Variants in TMEM183A observed in about 807,000 individuals in gnomAD.
The protein encoded by TMEM183A is transmembrane protein 183A.
TMEM183A carries 21 observed loss-of-function variants against 46.7 expected under a neutral mutation model. The observed-to-expected ratio is 0.45, with a 90% CI of 0.32 to 0.65. TMEM183A has a LOEUF of 0.65. TMEM183A is among the 30% of genes least tolerant of loss of function. The pLI is 0.04. For synonymous variants in TMEM183A, 165 were observed against 180.2 expected (o/e 0.92, Z 0.68); for missense variants, 331 against 481.9 (o/e 0.69, Z 2.93).
At position 203,013,576 on chromosome 1, in the gene TMEM183A, A is replaced by G. The variant is rs1487621284; in HGVS notation, c.368-1313A>G. On this transcript the variant is annotated intron_variant, in intron 3 of 7. Transcript: ENST00000367242. The surrounding 1 kb of genome is among the most constrained non-coding windows in gnomAD (Gnocchi z 4.0). ...GCCCAGGCTGGAGTGCAGTGGCGCT[A>G]TCTCGGCTCACTGCAAGCTCCGCCT... Among the ~76,000 whole-genome samples the G allele has an allele frequency of 1.3e-5, 2 of 151,484 alleles. No individual in the cohort carries two copies. The highest frequency in any genetic ancestry group is 2.9e-5 in the Non-Finnish European group (2 of 67,932).
intron 3 of TMEM183A, among the ~76,000 whole-genome samples, chr1:203,012,278 C>CAA (rs58503894): frequency 6.8e-6 from 1 of 147,162 alleles, no homozygotes; most frequent in South Asian, 2.2e-4. Context: ...CACACACACA[C>CAA]GGTTATTTTG....
intron 4 of TMEM183A, chr1:203,015,408 C>G: frequency 3.5e-6 from 1 of 283,492 alleles, no homozygotes; most frequent in Non-Finnish European, 6.7e-6. Context: ...TTAGGTGTTG[C>G]TTAGATTTGC....
At chr1:203,010,065 C>T (rs1174135161) in intron 3 of TMEM183A, among the ~76,000 whole-genome samples, 4 of 150,590 alleles carry the variant, frequency 2.7e-5, no homozygotes, top group Non-Finnish European at 4.4e-5. Flanking sequence ...ACCTGGGAGG[C>T]GAAGGTAGCA....
rs1414135298 is a variant in TMEM183A, at chr1:203,020,819, A to C, written c.816A>C (p.Thr272=). ...CCCCTAGGTTAAAGAGCAAGTGTACAGGAGGATTGCAGCCTCCCGTTCAGT... is the reference window on the plus strand; with the variant it reads ...CCCCTAGGTTAAAGAGCAAGTGTACCGGAGGATTGCAGCCTCCCGTTCAGT... ...KQSPRLKSKC[T]GGLQPPVQYE... The change falls in exon 7 of 8, where the codon ACA becomes ACC. Residue 272 remains threonine, a synonymous_variant. Transcript: ENST00000367242. The C allele has an allele frequency of 6.2e-7, 1 of 1,614,016 alleles. No homozygotes were observed. Among genetic ancestry groups the C allele is most frequent in the Non-Finnish European group, 8.5e-7 (1 of 1,179,940 alleles).
At chr1:203,014,370 A>C (rs1656965096) in intron 3 of TMEM183A, among the ~76,000 whole-genome samples, 1 of 152,190 alleles carries the variant, frequency 6.6e-6, no homozygotes, top group African/African-American at 2.4e-5. Flanking sequence ...TGGGAGGCCA[A>C]GGCGGGTGGA....
chr1:203,017,991 C>G, intron 5 of TMEM183A: 3 of 973,228 alleles, frequency 3.1e-6, no homozygotes, highest in Non-Finnish European at 3.7e-6. Flanking sequence ...AGACAGAATT[C>G]AGCCTAGCTC....
chr1:203,021,066 CTG>C, intron 7 of TMEM183A, 118 bp downstream of exon 7: 1 of 1,145,966 alleles, frequency 8.7e-7, no homozygotes, highest in Non-Finnish European at 1.2e-6. Context: ...TGGTCTCACT[CTG>C]TCACTCAGGC....
chr1:203,021,088 G>A, intron 7 of TMEM183A, 140 bp downstream of exon 7: 1 of 989,080 alleles, frequency 1.0e-6, no homozygotes, highest in East Asian at 2.8e-5. Context: ...CTGAAGTGCA[G>A]TGATGGAATC....
intron 3 of TMEM183A, among the ~76,000 whole-genome samples, chr1:203,009,127 A>C (rs1656301636): frequency 6.6e-6 from 1 of 152,238 alleles, no homozygotes. Flanking sequence ...ATGTGAAAAT[A>C]AAAGGCCTTT....
rs1042547011 is a variant in TMEM183A, at chr1:203,012,162, A to T, written c.368-2727A>T. On this transcript the variant is annotated intron_variant, in intron 3 of 7. Transcript: ENST00000367242. Reference sequence around the variant, plus strand: ...CCCCCACTCCATCACACACACACACACACACACACACACACACACACACGG... The same window carrying T: ...CCCCCACTCCATCACACACACACACTCACACACACACACACACACACACGG... 3.2e-4 allele frequency among the ~76,000 whole-genome samples: 42 copies of T among 131,792 alleles called. 1 individual carries two copies. The highest frequency in any genetic ancestry group is 2.3e-4 in the Admixed American group (3 of 12,968). The allele number at this position is 131,792 out of a possible 152,430, so 86.5% of individuals were successfully genotyped here.
intron 6 of TMEM183A, among the ~76,000 whole-genome samples, chr1:203,019,933 TTC>T (rs1046281517): frequency 1.3e-5 from 2 of 151,730 alleles, no homozygotes; most frequent in East Asian, 1.9e-4. Context: ...GTTTATGGGT[TTC>T]TCTCTCACTA....
chr1:203,014,864 G>A (rs1558040386), intron 3 of TMEM183A, 25 bp from the exon 4 acceptor site: 2 of 1,612,980 alleles, frequency 1.2e-6, no homozygotes, highest in Non-Finnish European at 8.5e-7. Flanking sequence ...TAGAAGATCA[G>A]AGATTATTCT....
At chr1:203,008,902 G>C in intron 3 of TMEM183A, 92 bp downstream of exon 3, 6 of 1,357,060 alleles carry the variant, frequency 4.4e-6, no homozygotes, top group Non-Finnish European at 3.9e-6. Flanking sequence ...GGAGATATAA[G>C]ACGTGATACC....
rs1453715273 is a variant in TMEM183A, at chr1:203,016,079, C to T, written c.647C>T (p.Ala216Val). Reference protein sequence around the residue: ...SLYHMYEPFAARISKNPAIPE... With the variant: ...SLYHMYEPFAVRISKNPAIPE... ...TACCATATGTATGAGCCATTTGCTGCTCGAATCTCCAAGAATCCAGCCATT... is the reference window on the plus strand; with the variant it reads ...TACCATATGTATGAGCCATTTGCTGTTCGAATCTCCAAGAATCCAGCCATT... Residue 216 changes from alanine to valine, a missense_variant, in exon 5 of 8, where the codon GCT becomes GTT. Ala to Val is a moderately conservative substitution (Grantham distance 64). This residue lies in a region of TMEM183A where 233 missense variants were observed against 385.8 expected (regional missense o/e 0.60). Coordinates refer to ENST00000367242, the MANE Select transcript of TMEM183A (RefSeq NM_138391.6). The T allele has an allele frequency of 6.2e-7, 1 of 1,614,080 alleles. No individual in the cohort carries two copies. The highest frequency in any genetic ancestry group is 8.5e-7 in the Non-Finnish European group (1 of 1,180,036).
At chr1:203,007,914 G>A (rs1656136409) in intron 2 of TMEM183A, 51 bp downstream of exon 2, 1 of 1,597,660 alleles carries the variant, frequency 6.3e-7, no homozygotes. Flanking sequence ...ACAGAACTAG[G>A]TATTTTATTT....
chr1:203,021,066 C>A (rs1055619925), intron 7 of TMEM183A, 118 bp downstream of exon 7: 1 of 1,145,964 alleles, frequency 8.7e-7, no homozygotes, highest in Non-Finnish European at 1.2e-6. Flanking sequence ...TGGTCTCACT[C>A]TGTCACTCAG....
In TMEM183A at chr1:203,018,579, T is replaced by C. The variant is rs1035007365; in HGVS notation, c.789+18T>C. On this transcript the variant is annotated intron_variant, in intron 6 of 7. Transcript: ENST00000367242. ...AAAAACAGGTACGTGGTCTTCTCTT[T>C]GTTTTTCAGATAATACCTTGTTCTA... 6.2e-7 allele frequency: 1 copy of C among 1,606,174 alleles called. No individual in the cohort carries two copies. Among genetic ancestry groups the C allele is most frequent in the Admixed American group, 1.7e-5 (1 of 59,440 alleles).
intron 5 of TMEM183A, among the ~76,000 whole-genome samples, chr1:203,017,174 C>T (rs1657244466): frequency 6.6e-6 from 1 of 152,028 alleles, no homozygotes; most frequent in South Asian, 2.1e-4. Flanking sequence ...GAGTAGAATG[C>T]CGGGAGAGTA....
rs1008010882 is a variant in TMEM183A, at chr1:203,013,165, T to C, written c.368-1724T>C. On this transcript the variant is annotated intron_variant, in intron 3 of 7. Coordinates refer to ENST00000367242, the MANE Select transcript of TMEM183A (RefSeq NM_138391.6). The surrounding 1 kb of genome is among the most constrained non-coding windows in gnomAD (Gnocchi z 4.0). ...GAAGGATAAGAATTAGAAAAGATGA[T>C]GATGTTTTAGACATATTGGGTCTCT... 1.3e-5 allele frequency among the ~76,000 whole-genome samples: 2 copies of C among 152,216 alleles called. No individual in the cohort carries two copies. The highest frequency in any genetic ancestry group is 2.9e-5 in the Non-Finnish European group (2 of 68,038).
Sources: allele counts gnomAD v4.1 joint callset (sites outside exome capture counted in the v4.1 genomes callset), GRCh38; gene constraint gnomAD v4.1.1; regional missense constraint gnomAD v4.1.1; non-coding constraint Gnocchi (gnomAD v3.1); transcripts MANE v1.5; gene names NCBI Gene and HGNC (gene_info 2026-07-23, HGNC 2026-07-21).